CCDC3: variants seen among roughly 807,000 people sequenced by gnomAD.
CCDC3 encodes the protein coiled-coil domain containing 3, also known as coiled-coil domain-containing protein 3.
CCDC3 carries 24 observed loss-of-function variants against 21.4 expected under a neutral mutation model. The ratio of observed to expected loss-of-function variants is 1.12; its 90% CI spans 0.81 to 1.58. The LOEUF is 1.58. Among genes scored for constraint, CCDC3 ranks in the 40% most tolerant of loss-of-function variants. The pLI, the probability that CCDC3 is intolerant of heterozygous loss-of-function variation, is 0.00. For synonymous variants in CCDC3, 186 were observed against 166.0 expected, an observed-to-expected ratio of 1.12 and a Z score of -0.93; for missense variants, 425 against 360.9, an observed-to-expected ratio of 1.18 and a Z score of -1.44.
At chr10:12,977,173 G>A (rs1429665428) in intron 2 of CCDC3, among the ~76,000 whole-genome samples, 1 of 152,192 alleles carries the variant, frequency 6.6e-6, no homozygotes, top group African/African-American at 2.4e-5. Context: ...TACTCGAGAG[G>A]CTGAGGCAGG....
chr10:12,999,687 G>C (rs773169448), intron 1 of CCDC3, among the ~76,000 whole-genome samples: 1 of 152,170 alleles, frequency 6.6e-6, no homozygotes, highest in Non-Finnish European at 1.5e-5. Flanking sequence ...GATGAGAATT[G>C]GCTGAGCACC....
At chr10:12,974,005 C>T (rs983458389) in intron 2 of CCDC3, among the ~76,000 whole-genome samples, 10 of 152,258 alleles carry the variant, frequency 6.6e-5, no homozygotes, top group Non-Finnish European at 1.2e-4. Flanking sequence ...TGTGAAGATC[C>T]AACAGCAAGA....
intron 4 of CCDC3, among the ~76,000 whole-genome samples, chr10:13,064,494 A>G (rs1257742559): frequency 1.3e-5 from 2 of 152,224 alleles, no homozygotes; most frequent in East Asian, 3.8e-4. Flanking sequence ...GGAGATCCTC[A>G]CGACATGTGC....
intron 2 of CCDC3, among the ~76,000 whole-genome samples, chr10:12,953,048 A>G (rs570075455): frequency 8.3e-4 from 126 of 152,184 alleles, no homozygotes; most frequent in African/African-American, 2.8e-3. Context: ...CCGTTTTCAC[A>G]CTGCTGATAA....
chr10:13,054,126 CAG>C (rs71386142), intron 4 of CCDC3, among the ~76,000 whole-genome samples: 241 of 126,578 alleles, frequency 1.9e-3, no homozygotes, highest in Non-Finnish European at 1.9e-3. Context: ...GCCTGGGTGA[CAG>C]AGAGAGAGAG....
chr10:12,972,677 C>T (rs1466140989), intron 2 of CCDC3, among the ~76,000 whole-genome samples: 1 of 151,954 alleles, frequency 6.6e-6, no homozygotes, highest in African/African-American at 2.4e-5. Flanking sequence ...CTTAGCTCAG[C>T]GTGGTGGTGG....
At chr10:12,949,557 T>TA (rs1834978523) in intron 2 of CCDC3, among the ~76,000 whole-genome samples, 1 of 152,192 alleles carries the variant, frequency 6.6e-6, no homozygotes, top group South Asian at 2.1e-4. Context: ...GAGCCAGTAT[T>TA]ACTAGGGTTT....
intron 2 of CCDC3, among the ~76,000 whole-genome samples, chr10:12,959,061 G>C (rs1344863349): frequency 6.6e-6 from 1 of 152,174 alleles, no homozygotes; most frequent in Non-Finnish European, 1.5e-5. Context: ...GGGAATGAAG[G>C]ATTAAATACT....
At chr10:13,015,613 T>C (rs1836047123) in intron 5 of CCDC3, among the ~76,000 whole-genome samples, 1 of 152,060 alleles carries the variant, frequency 6.6e-6, no homozygotes, top group East Asian at 1.9e-4. Context: ...AGAATAAAGC[T>C]GCAATTCGGA....
chr10:13,034,001 C>T (rs962292692), intron 5 of CCDC3, among the ~76,000 whole-genome samples: 9 of 152,118 alleles, frequency 5.9e-5, no homozygotes, highest in Non-Finnish European at 7.3e-5. Flanking sequence ...GGTATATACC[C>T]AAAGGATTAT....
At chr10:13,060,605 A>G (rs980145363) in intron 4 of CCDC3, among the ~76,000 whole-genome samples, 1 of 152,174 alleles carries the variant, frequency 6.6e-6, no homozygotes, top group African/African-American at 2.4e-5. Context: ...CCTGGGCTCA[A>G]GCAATCCTCC....
At chr10:13,033,834 A>C (rs1489323730) in intron 5 of CCDC3, among the ~76,000 whole-genome samples, 4 of 152,248 alleles carry the variant, frequency 2.6e-5, no homozygotes, top group African/African-American at 7.2e-5. Context: ...TTAAAAAGTC[A>C]TGAAACAACA....
intron 5 of CCDC3, among the ~76,000 whole-genome samples, chr10:13,029,598 G>C (rs1376694589): frequency 6.6e-6 from 1 of 152,086 alleles, no homozygotes; most frequent in Non-Finnish European, 1.5e-5. Context: ...CATGAAGAAA[G>C]ATTAGACGAA....
intron 5 of CCDC3, among the ~76,000 whole-genome samples, chr10:13,019,395 G>T (rs1276476012): frequency 6.6e-6 from 1 of 152,256 alleles, no homozygotes; most frequent in African/African-American, 2.4e-5. Flanking sequence ...AAGTCCAACT[G>T]GTTCATTCAT....
In CCDC3 at chr10:12,912,362, G is replaced by C. The variant is rs2131205402; in HGVS notation, c.550-13683C>G. 2.6e-5 allele frequency among the ~76,000 whole-genome samples: 4 copies of C among 152,252 alleles called. 1 individual carries two copies. The Middle Eastern group carries it at 0.01, about 388-fold the overall frequency. ...ATCTCATATTCATTTTAATTTGCGT[G>C]TCCCTGATTAGTGATGTTGAACATT... On this transcript the variant is annotated intron_variant, in intron 2 of 2. Transcript: ENST00000378825.
intron 2 of CCDC3, among the ~76,000 whole-genome samples, chr10:12,974,663 C>T (rs1209053018): frequency 1.3e-5 from 2 of 152,174 alleles, no homozygotes; most frequent in Non-Finnish European, 2.9e-5. Context: ...GCTGAGCCCA[C>T]AGCCAGGAAG....
chr10:13,031,345 A>G (rs1836297892), intron 5 of CCDC3, among the ~76,000 whole-genome samples: 1 of 152,232 alleles, frequency 6.6e-6, no homozygotes, highest in East Asian at 1.9e-4. Flanking sequence ...CATTTAAAGC[A>G]GTGTGTAGAG....
intron 5 of CCDC3, among the ~76,000 whole-genome samples, chr10:13,033,824 T>C (rs1488091342): frequency 6.6e-6 from 1 of 152,140 alleles, no homozygotes; most frequent in East Asian, 1.9e-4. Context: ...ATGGCAATCA[T>C]TAAAAAGTCA....
intron 2 of CCDC3, among the ~76,000 whole-genome samples, chr10:12,981,837 G>C (rs976374655): frequency 2.6e-5 from 4 of 151,952 alleles, no homozygotes; most frequent in African/African-American, 9.7e-5. Context: ...AAAATGAGAA[G>C]TGAGCGGCTG....
Sources: allele counts gnomAD v4.1 joint callset (sites outside exome capture counted in the v4.1 genomes callset), GRCh38; gene constraint gnomAD v4.1.1; transcripts MANE v1.5; gene names NCBI Gene and HGNC (gene_info 2026-07-23, HGNC 2026-07-21).